The following HMCN1 variants were observed in gnomAD, a reference collection of about 807,000 sequenced individuals.
The protein encoded by HMCN1 is hemicentin-1.
In HMCN1, 321 loss-of-function variants were observed where a neutral mutation model predicts 625.9. That is an observed-to-expected ratio of 0.51 (90% CI 0.47 to 0.56). HMCN1 has a LOEUF of 0.56. HMCN1 is among the 20% of genes least tolerant of loss of function. The probability of loss-of-function intolerance (pLI) is 0.00; values close to 1 mark genes in which losing one functional copy is unlikely to be tolerated. For synonymous variants in HMCN1, 2,425 were observed against 2,417.6 expected, an observed-to-expected ratio of 1.00 and a Z score of -0.09; for missense variants, 6,588 against 6,887.3, an observed-to-expected ratio of 0.96 and a Z score of 1.54.
chr1:186,132,395 G>T lies in HMCN1; in HGVS notation c.13298G>T (p.Ser4433Ile), dbSNP rs1168444115. Reference protein sequence around the residue: ...NEAGVVERSMSLTLQSPPIIT... With the variant: ...NEAGVVERSMILTLQSPPIIT... ...GCTGGGGTGGTGGAGCGCAGCATGA[G>T]TCTGACTCTGCAAAGTAAGCTGCTT... is the stretch of plus-strand genomic sequence containing the variant. Residue 4433 changes from serine (S) to isoleucine (I), a missense_variant, in exon 86 of 107, where the codon AGT becomes ATT. Around this residue, in one of 3 missense-constraint regions of HMCN1, gnomAD observed 1,954 missense variants for 2,013.1 expected, o/e 0.97. Transcript: ENST00000271588. The T allele has an allele frequency of 6.2e-7, 1 of 1,611,574 alleles. No homozygotes were observed. Among genetic ancestry groups the T allele is most frequent in the Non-Finnish European group, 8.5e-7 (1 of 1,178,610 alleles).
rs1420252691 is a variant in HMCN1 at position 186,147,989 on chromosome 1, A to C, written c.14608+2066A>C. 2.0e-5 allele frequency among the ~76,000 whole-genome samples: 3 copies of C among 152,204 alleles called. No individual in the cohort carries two copies. The East Asian group carries it at 5.8e-4, about 29-fold the overall frequency. On this transcript the variant is annotated intron_variant, in intron 93 of 106. Coordinates refer to ENST00000271588, the MANE Select transcript of HMCN1 (RefSeq NM_031935.3). ...TTCCTTTCATGAATGATTTCTCTGT[A>C]GTGGACAATGCTGTTAAATAGCACT...
Position 186,123,009 on chromosome 1 carries a change from C to T in HMCN1, c.12288C>T (p.Ile4096=). The change falls in exon 81 of 107, where the codon ATC becomes ATT. Residue 4096 remains isoleucine (I), a synonymous_variant. Coordinates refer to ENST00000271588, the MANE Select transcript of HMCN1 (RefSeq NM_031935.3). ...ATGTTATTGCTGTGGACAAGCCCATCACGTTATCCTGTGAAGCAGATGGCC... is the reference window on the plus strand; with the variant it reads ...ATGTTATTGCTGTGGACAAGCCCATTACGTTATCCTGTGAAGCAGATGGCC... The part of the protein sequence containing the change: ...KEYVIAVDKP[I]TLSCEADGLP... The T allele has an allele frequency of 1.2e-6, 2 of 1,614,158 alleles. No individual in the cohort carries two copies. The highest frequency in any genetic ancestry group is 1.7e-6 in the Non-Finnish European group (2 of 1,180,012).
At chr1:185,840,039 TGTACTCAACTAAATGA>T (rs1331143916) in intron 1 of HMCN1, among the ~76,000 whole-genome samples, 1 of 152,200 alleles carries the variant, frequency 6.6e-6, no homozygotes, top group Admixed American at 6.5e-5. Flanking sequence ...TGAATAGGAA[TGTACTCAACTAAATGA>T]GTCCTGAAAT....
In HMCN1 at chr1:185,913,154, G is replaced by C. The variant is rs563248072; in HGVS notation, c.900+1374G>C. ...CCCTGTAGGAAAAATAGACACTCTTGTGTAGATTATTTCAAGGTGGATAAT... is the reference window on the plus strand; with the variant it reads ...CCCTGTAGGAAAAATAGACACTCTTCTGTAGATTATTTCAAGGTGGATAAT... On this transcript the variant is annotated intron_variant, in intron 6 of 106. Coordinates refer to ENST00000271588, the MANE Select transcript of HMCN1 (RefSeq NM_031935.3). Among the ~76,000 whole-genome samples the C allele has an allele frequency of 2.6e-5, 4 of 152,248 alleles. No individual in the cohort carries two copies. The East Asian group carries it at 7.7e-4, about 29-fold the overall frequency.
In HMCN1 at chr1:186,055,640, A is replaced by G; in HGVS notation, c.7110A>G (p.Gly2370=). 2 of 1,612,698 alleles carry G rather than the reference A, an allele frequency of 1.2e-6. No homozygotes were observed. Among genetic ancestry groups the G allele is most frequent in the Non-Finnish European group, 1.7e-6 (2 of 1,179,054 alleles). ...TGTGTGTTGCTGTGAATGTAGCAGG[A>G]ATGACTGACAAAAAATATGACTTAA... ...RYVCVAVNVA[G]MTDKKYDLSV... is the part of the protein sequence containing the mutation. The change falls in exon 45 of 107, where the codon GGA becomes GGG. Residue 2370 remains glycine (G), a synonymous_variant. Transcript: ENST00000271588.
chr1:185,932,466 T>C (rs1054616757), intron 10 of HMCN1, among the ~76,000 whole-genome samples: 2 of 152,156 alleles, frequency 1.3e-5, no homozygotes, highest in African/African-American at 4.8e-5. Flanking sequence ...AACAGACACA[T>C]GAATTTCTAG....
In HMCN1 at chr1:185,977,949, G is replaced by T; in HGVS notation, c.2534G>T (p.Ser845Ile). 6.2e-7 allele frequency: 1 copy of T among 1,613,030 alleles called. No individual in the cohort carries two copies. The highest frequency in any genetic ancestry group is 1.3e-5 in the African/African-American group (1 of 74,992). ...AGACCTTTTTCAGTTAGTTCCATCA[G>T]CCAACTAAGAACAGGAGCTCTCTTT... ...FSRPFSVSSISQLRTGALFIL... is the reference protein window; with the variant it reads ...FSRPFSVSSIIQLRTGALFIL... The change falls in exon 16 of 107, where the codon AGC (serine) becomes ATC (isoleucine). Residue 845 changes from serine (S) to isoleucine (I), a missense_variant. Coordinates refer to ENST00000271588, the MANE Select transcript of HMCN1 (RefSeq NM_031935.3).
At chr1:185,829,371 A>G (rs1660716981) in intron 1 of HMCN1, among the ~76,000 whole-genome samples, 1 of 151,354 alleles carries the variant, frequency 6.6e-6, no homozygotes, top group East Asian at 1.9e-4. Flanking sequence ...GGTTTGCTGC[A>G]CCTATTGACC....
Position 186,171,276 on chromosome 1 carries a change from C to T in HMCN1, c.15575-61C>T, listed in dbSNP as rs370489843. On this transcript the variant is annotated intron_variant, in intron 100 of 106. Transcript: ENST00000271588. ...TGATCAAGATCATTAAAATGTTAAA[C>T]ATTTGGGATAAATTCAGGTTTCCTA... 8.1e-5 allele frequency: 93 copies of T among 1,153,568 alleles called. 2 individuals are homozygous for T. In the South Asian group the frequency reaches 1.1e-3, roughly 14 times the overall value. 71.5% of individuals were successfully genotyped at this position (1,153,568 alleles called of 1,614,324 possible). A position where few individuals can be genotyped will look rare whatever the true frequency, so the allele number is the denominator to read the frequency against.
chr1:186,137,715 A>T (rs747665643), intron 88 of HMCN1, 47 bp downstream of exon 88: 8 of 1,613,824 alleles, frequency 5.0e-6, no homozygotes, highest in Non-Finnish European at 6.8e-6. Context: ...ATAGACCTTC[A>T]TTTCTGTCTT....
At chr1:185,835,910 A>G (rs929336599) in intron 1 of HMCN1, among the ~76,000 whole-genome samples, 3 of 152,166 alleles carry the variant, frequency 2.0e-5, no homozygotes, top group East Asian at 1.9e-4. Context: ...ATTTCACTCA[A>G]TGAAAAGGAA....
intron 41 of HMCN1, among the ~76,000 whole-genome samples, chr1:186,047,300 G>A (rs768898846): frequency 2.6e-5 from 4 of 152,096 alleles, no homozygotes; most frequent in African/African-American, 4.8e-5. Context: ...CTATTCTCAG[G>A]GGCAGAGCCC....
At chr1:185,749,176 A>G (rs1654624676) in intron 1 of HMCN1, among the ~76,000 whole-genome samples, 1 of 152,208 alleles carries the variant, frequency 6.6e-6, no homozygotes, top group African/African-American at 2.4e-5. Flanking sequence ...TTCCCTCAAC[A>G]AAGAAGGATA....
intron 14 of HMCN1, 98 bp from the exon 15 acceptor site, chr1:185,970,237 C>A: frequency 8.7e-7 from 1 of 1,155,162 alleles, no homozygotes; most frequent in Non-Finnish European, 1.3e-6. Context: ...AAAAACTTTG[C>A]AATCAACTTT....
At chr1:185,773,202 G>C (rs1656366404) in intron 1 of HMCN1, among the ~76,000 whole-genome samples, 1 of 152,106 alleles carries the variant, frequency 6.6e-6, no homozygotes, top group Non-Finnish European at 1.5e-5. Context: ...ATCACAAGTG[G>C]GGAAAGCTAC....
At position 186,052,895 on chromosome 1, in the gene HMCN1, T is replaced by G. The variant is rs1170749233; in HGVS notation, c.6578-57T>G. On this transcript the variant is annotated intron_variant, in intron 42 of 106. Transcript: ENST00000271588. The stretch of plus-strand genomic sequence containing the variant: ...GAAGCCTTTTATCTTACATGTAAAC[T>G]GTTATGAGAATTCTATATGAAATGA... 3 of 1,408,396 alleles carry G rather than the reference T, an allele frequency of 2.1e-6. No homozygotes were observed. The Admixed American group carries it at 5.1e-5, about 24-fold the overall frequency. The allele number at this position is 1,408,396 out of a possible 1,614,324, so 87.2% of individuals were successfully genotyped here.
intron 1 of HMCN1, among the ~76,000 whole-genome samples, chr1:185,763,199 A>G (rs1124756): frequency 0.075 from 11,443 of 152,224 alleles, 1,408 homozygotes; most frequent in African/African-American, 0.26. Context: ...CAAATGCACA[A>G]AGGCACATGG....
chr1:185,783,279 C>T (rs115384069), intron 1 of HMCN1, among the ~76,000 whole-genome samples: 4,751 of 152,178 alleles, frequency 0.031, 224 homozygotes, highest in African/African-American at 0.1. Flanking sequence ...AGCTTCTTTG[C>T]GATGGGTTCA....
intron 34 of HMCN1, among the ~76,000 whole-genome samples, chr1:186,019,327 G>A (rs1328809571): frequency 6.6e-6 from 1 of 151,796 alleles, no homozygotes; most frequent in Non-Finnish European, 1.5e-5. Context: ...CTTATTCTTT[G>A]GAGATTTAAA....
Sources: gnomAD v4.1 joint callset for allele counts (sites outside exome capture counted in the v4.1 genomes callset) on GRCh38, gnomAD v4.1.1 for gene constraint, gnomAD v4.1.1 regional missense constraint, MANE v1.5 for transcripts, NCBI Gene and HGNC (gene_info 2026-07-23, HGNC 2026-07-21) for gene names.